The following PANK2 variants were observed in gnomAD, a reference collection of about 807,000 sequenced individuals.
PANK2 encodes pantothenate kinase 2.
In PANK2, 36 loss-of-function variants were observed where a neutral mutation model predicts 43.1. The ratio of observed to expected loss-of-function variants is 0.84; its 90% CI spans 0.64 to 1.10. The LOEUF (loss-of-function observed/expected upper bound fraction) is 1.10. PANK2 is among the 50% of genes least tolerant of loss of function. The pLI is 0.00. For synonymous variants in PANK2, 281 were observed against 238.2 expected, an observed-to-expected ratio of 1.18 and a Z score of -1.66; for missense variants, 576 against 593.3, an observed-to-expected ratio of 0.97 and a Z score of 0.30.
At position 3,928,062 on chromosome 20, in the gene PANK2, TTAATC is replaced by T. The variant is rs1359105845; in HGVS notation, c.*4770_*4774del. On this transcript the variant is annotated 3_prime_UTR_variant, in exon 7 of 7. Transcript: ENST00000610179. Reference sequence around the variant, plus strand: ...CTCCCCAGCACATGGGGATCCCTTATTAATCTTTACTAAAGAACCGTGAACCAGCA... The same window carrying T: ...CTCCCCAGCACATGGGGATCCCTTATTTTACTAAAGAACCGTGAACCAGCA... 6.6e-6 allele frequency: 1 copy of T among 152,200 alleles called. No homozygotes were observed. The highest frequency in any genetic ancestry group is 2.4e-5 in the African/African-American group (1 of 41,438). The allele number at this position is 152,200 out of a possible 1,614,324, so 9.4% of individuals were successfully genotyped here.
In PANK2 at chr20:3,917,478, C is replaced by T. The variant is rs768523832; in HGVS notation, c.1206+428C>T. The T allele has an allele frequency of 1.3e-5, 7 of 534,808 alleles. No homozygotes were observed. The East Asian group carries it at 3.8e-4, about 29-fold the overall frequency. 33.1% of individuals were successfully genotyped at this position (534,808 alleles called of 1,614,324 possible). A position where few individuals can be genotyped will look rare whatever the true frequency, so the allele number is the denominator to read the frequency against. ...GGTGCCCTCCTTGGCTCCCCCACCT[C>T]AGCAGAGCTGCGTCTTTGTGCTTTC... On this transcript the variant is annotated intron_variant, in intron 5 of 6. Coordinates refer to ENST00000610179, the MANE Select transcript of PANK2 (RefSeq NM_001386393.1).
rs1189812794 is a variant in PANK2 at position 3,907,998 on chromosome 20, C to T, written c.371C>T (p.Thr124Ile). ...GTATATTTTGAACCCAAAGACATCA[C>T]TGCTGAAGAAGAAGAGGAAGAAGTG... The change falls in exon 2 of 7, where the codon ACT becomes ATT. Residue 124 changes from threonine to isoleucine, a missense_variant. This residue lies in a region of PANK2 where 544 missense variants were observed against 528.9 expected (regional missense o/e 1.03). Coordinates refer to ENST00000610179, the MANE Select transcript of PANK2 (RefSeq NM_001386393.1). 6.2e-7 allele frequency: 1 copy of T among 1,614,156 alleles called. No homozygotes were observed. The highest frequency in any genetic ancestry group is 8.5e-7 in the Non-Finnish European group (1 of 1,180,034).
intron 3 of PANK2, among the ~76,000 whole-genome samples, chr20:3,911,102 C>CAA (rs1332160687): frequency 6.6e-6 from 1 of 152,190 alleles, no homozygotes. Context: ...TGTGCATACA[C>CAA]AAAGTAGCTA....
chr20:3,902,241 G>GCT (rs2146843331), intron 1 of PANK2, among the ~76,000 whole-genome samples: 1 of 150,388 alleles, frequency 6.6e-6, no homozygotes, highest in South Asian at 2.1e-4. Context: ...GTCATAGCTT[G>GCT]CTACGACCTT....
intron 1 of PANK2, among the ~76,000 whole-genome samples, chr20:3,906,579 A>G (rs1407424637): frequency 6.6e-6 from 1 of 152,234 alleles, no homozygotes; most frequent in Non-Finnish European, 1.5e-5. Flanking sequence ...AGATGATTTA[A>G]TAATGAATAA....
chr20:3,889,045 TCC>T, upstream of PANK2: 1 of 1,408,828 alleles, frequency 7.1e-7, no homozygotes, highest in Non-Finnish European at 9.4e-7. Context: ...CCAGGAGAGT[TCC>T]GCGGCCCGGG....
Position 3,916,348 on chromosome 20 carries a change from G to A in PANK2, c.1083-579G>A, listed in dbSNP as rs71647847. 2.7e-3 allele frequency among the ~76,000 whole-genome samples: 416 copies of A among 152,286 alleles called. 1 individual carries two copies. Among genetic ancestry groups the A allele is most frequent in the Non-Finnish European group, 4.8e-3 (325 of 68,018 alleles). Reference sequence around the variant, plus strand: ...AAGTTTTAGGCACTTGGTCAATGCTGTTGATTTTCTGTTTGTAACATTTGC... The same window carrying A: ...AAGTTTTAGGCACTTGGTCAATGCTATTGATTTTCTGTTTGTAACATTTGC... On this transcript the variant is annotated intron_variant, in intron 4 of 6. Coordinates refer to ENST00000610179, the MANE Select transcript of PANK2 (RefSeq NM_001386393.1).
intron 1 of PANK2, among the ~76,000 whole-genome samples, chr20:3,900,749 CATTT>C (rs762720918): frequency 1.3e-4 from 19 of 151,936 alleles, no homozygotes; most frequent in African/African-American, 2.2e-4. Flanking sequence ...TCATTCCCAT[CATTT>C]ATTTATTTAT....
At chr20:3,918,452 A>G (rs941099850) in intron 5 of PANK2, among the ~76,000 whole-genome samples, 1 of 151,754 alleles carries the variant, frequency 6.6e-6, no homozygotes, top group Non-Finnish European at 1.5e-5. Context: ...TGTTTTTCCT[A>G]ATCTGTTTTC....
chr20:3,890,547 A>G (rs2090106057), intron 1 of PANK2, among the ~76,000 whole-genome samples: 1 of 152,208 alleles, frequency 6.6e-6, no homozygotes, highest in South Asian at 2.1e-4. Context: ...TGAAAGTATC[A>G]ATTGTCCTGA....
chr20:3,915,936 G>A (rs1280529762), intron 4 of PANK2, among the ~76,000 whole-genome samples: 4 of 152,016 alleles, frequency 2.6e-5, no homozygotes, highest in East Asian at 3.8e-4. Flanking sequence ...TTCTTTTTTC[G>A]AGATTATTTT....
intron 1 of PANK2, among the ~76,000 whole-genome samples, chr20:3,902,304 C>T (rs2146843469): frequency 1.3e-5 from 2 of 151,766 alleles, no homozygotes; most frequent in African/African-American, 2.4e-5. Flanking sequence ...GTAGCTGTGA[C>T]TACAGGTGTG....
intron 1 of PANK2, among the ~76,000 whole-genome samples, chr20:3,895,360 G>A (rs1899382658): frequency 6.6e-6 from 1 of 152,058 alleles, no homozygotes; most frequent in Non-Finnish European, 1.5e-5. Context: ...AGCTACTTGG[G>A]AGGCTGAGAC....
At position 3,910,810 on chromosome 20, in the gene PANK2, C is replaced by T; in HGVS notation, c.885C>T (p.Tyr295=). The stretch of plus-strand genomic sequence containing the variant: ...TAGCAGTATATTCCAAAGATAATTA[C>T]AAACGGGTCACAGGTACTAGGTAAG... The change falls in exon 3 of 7, where the codon TAC becomes TAT. Residue 295 remains tyrosine, a synonymous_variant. Transcript: ENST00000610179. The T allele has an allele frequency of 6.2e-7, 1 of 1,614,158 alleles. No homozygotes were observed. The highest frequency in any genetic ancestry group is 8.5e-7 in the Non-Finnish European group (1 of 1,180,018).
intron 1 of PANK2, among the ~76,000 whole-genome samples, chr20:3,897,920 G>A (rs1228312156): frequency 1.3e-5 from 2 of 152,044 alleles, no homozygotes; most frequent in Non-Finnish European, 1.5e-5. Context: ...CAGGAGAATC[G>A]CTTGAACAAC....
chr20:3,897,380 A>C (rs2090226182), intron 1 of PANK2, among the ~76,000 whole-genome samples: 1 of 152,180 alleles, frequency 6.6e-6, no homozygotes, highest in South Asian at 2.1e-4. Flanking sequence ...AGGACTCACT[A>C]ACTAGAAGGC....
rs779815683 is a variant in PANK2 at position 3,912,490 on chromosome 20, G to T, written c.938G>T (p.Cys313Phe). The T allele has an allele frequency of 1.6e-5, 26 of 1,614,034 alleles. No individual in the cohort carries two copies. The highest frequency in any genetic ancestry group is 3.3e-5 in the Admixed American group (2 of 59,972). ...GGAGGAACTTTTTTTGGTCTCTGCT[G>T]TCTTCTTACTGGCTGTACCACTTTT... is the stretch of plus-strand genomic sequence containing the variant. The change falls in exon 4 of 7, where the codon TGT becomes TTT. Residue 313 changes from cysteine to phenylalanine, a missense_variant. By Grantham distance (205) the Cys-to-Phe change is radical (BLOSUM62 -2). This residue lies in a region of PANK2 where 544 missense variants were observed against 528.9 expected (regional missense o/e 1.03). Coordinates refer to ENST00000610179, the MANE Select transcript of PANK2 (RefSeq NM_001386393.1).
chr20:3,907,893 A>G, intron 1 of PANK2, 33 bp from the exon 2 acceptor site: 1 of 1,583,110 alleles, frequency 6.3e-7, no homozygotes, highest in Non-Finnish European at 8.7e-7. Context: ...TTCAGAAAAA[A>G]GCTGTTCTGA....
chr20:3,913,773 C>CATATATAT (rs202153863), intron 4 of PANK2, among the ~76,000 whole-genome samples: 1 of 102,872 alleles, frequency 9.7e-6, no homozygotes, highest in African/African-American at 3.1e-5. Flanking sequence ...CACACACACA[C>CATATATAT]ACATATATAT....
Sources: gnomAD v4.1 joint callset for allele counts (sites outside exome capture counted in the v4.1 genomes callset) on GRCh38, gnomAD v4.1.1 for gene constraint, gnomAD v4.1.1 regional missense constraint, MANE v1.5 for transcripts, NCBI Gene and HGNC (gene_info 2026-07-23, HGNC 2026-07-21) for gene names.